Variants in CHCHD6 observed in about 807,000 individuals in gnomAD.
The protein encoded by CHCHD6 is coiled-coil-helix-coiled-coil-helix domain containing 6.
In CHCHD6, 28 loss-of-function variants were observed where a neutral mutation model predicts 32.3. The ratio of observed to expected loss-of-function variants is 0.87; its 90% CI spans 0.64 to 1.19. The LOEUF is 1.19. CHCHD6 is among the 50% of genes most tolerant of loss of function. CHCHD6 has a pLI of 0.00. For missense variants in CHCHD6, 333 were observed against 307.0 expected (o/e 1.08, Z -0.63); for synonymous variants, 122 against 117.5 (o/e 1.04, Z -0.25).
intron 1 of CHCHD6, among the ~76,000 whole-genome samples, chr3:126,721,568 T>A (rs915005387): frequency 6.6e-6 from 1 of 152,230 alleles, no homozygotes; most frequent in African/African-American, 2.4e-5. Context: ...CCCTTTTTAT[T>A]TGTAACAGCT....
At chr3:126,809,791 G>A (rs1365310627) in intron 4 of CHCHD6, among the ~76,000 whole-genome samples, 2 of 152,198 alleles carry the variant, frequency 1.3e-5, no homozygotes, top group Non-Finnish European at 2.9e-5. Flanking sequence ...AAGCATTAAT[G>A]GTTTCATCAT....
intron 4 of CHCHD6, among the ~76,000 whole-genome samples, chr3:126,766,116 T>C (rs1393390839): frequency 2.0e-5 from 3 of 151,900 alleles, no homozygotes; most frequent in Admixed American, 6.6e-5. Flanking sequence ...GGGGAGTGTA[T>C]TCAGGAGAGG....
intron 6 of CHCHD6, among the ~76,000 whole-genome samples, chr3:126,941,784 A>T (rs894736615): frequency 2.0e-5 from 3 of 152,166 alleles, no homozygotes; most frequent in Non-Finnish European, 4.4e-5. Context: ...TTCTGACATG[A>T]TAACTCCTTA....
intron 6 of CHCHD6, chr3:126,953,172 C>T (rs898423424): frequency 7.1e-6 from 7 of 979,456 alleles, no homozygotes; most frequent in East Asian, 1.1e-4. Flanking sequence ...ACAAAGCCAG[C>T]GCCTTGCCCC....
intron 4 of CHCHD6, among the ~76,000 whole-genome samples, chr3:126,783,017 A>G (rs983140767): frequency 2.0e-5 from 3 of 152,128 alleles, no homozygotes; most frequent in Non-Finnish European, 4.4e-5. Context: ...ATTATTAACT[A>G]TAGTCACCAT....
At chr3:126,748,135 C>T (rs538875659) in intron 4 of CHCHD6, among the ~76,000 whole-genome samples, 1 of 152,274 alleles carries the variant, frequency 6.6e-6, no homozygotes, top group African/African-American at 2.4e-5. Context: ...GTTACTTCCC[C>T]ACTTTCTCCT....
chr3:126,713,665 C>T (rs12490515), intron 1 of CHCHD6, among the ~76,000 whole-genome samples: 2 of 152,172 alleles, frequency 1.3e-5, no homozygotes, highest in African/African-American at 4.8e-5. Flanking sequence ...TACTTCCTTT[C>T]TGCCCCATGA....
intron 5 of CHCHD6, among the ~76,000 whole-genome samples, chr3:126,895,294 G>A (rs1239337764): frequency 1.3e-5 from 2 of 152,188 alleles, no homozygotes; most frequent in African/African-American, 4.8e-5. Flanking sequence ...CGGAAGGAAA[G>A]GATTCCTCTG....
At chr3:126,885,344 T>TC (rs2077665260) in intron 5 of CHCHD6, among the ~76,000 whole-genome samples, 1 of 152,188 alleles carries the variant, frequency 6.6e-6, no homozygotes, top group Non-Finnish European at 1.5e-5. Context: ...TTATTTTTTT[T>TC]CTCCTTCCTT....
intron 6 of CHCHD6, among the ~76,000 whole-genome samples, chr3:126,941,897 G>A (rs898730655): frequency 1.3e-5 from 2 of 152,186 alleles, no homozygotes; most frequent in African/African-American, 4.8e-5. Flanking sequence ...CAACAGGACT[G>A]TCAGCCCACA....
intron 6 of CHCHD6, among the ~76,000 whole-genome samples, chr3:126,938,967 G>A (rs1337034153): frequency 6.6e-6 from 1 of 152,232 alleles, no homozygotes; most frequent in Non-Finnish European, 1.5e-5. Flanking sequence ...TGGACAGAAG[G>A]AGGTGAAAGG....
intron 5 of CHCHD6, among the ~76,000 whole-genome samples, chr3:126,863,366 C>T (rs1308355721): frequency 1.7e-5 from 2 of 115,826 alleles, no homozygotes; most frequent in African/African-American, 3.7e-5. Context: ...ACCATCACCA[C>T]CTCCTCCTCC....
intron 4 of CHCHD6, among the ~76,000 whole-genome samples, chr3:126,811,731 T>TGAATG (rs1391060861): frequency 6.6e-6 from 1 of 152,226 alleles, no homozygotes; most frequent in African/African-American, 2.4e-5. Flanking sequence ...CTTAGTAATG[T>TGAATG]GAATGGAATG....
At chr3:126,900,792 C>T (rs947157645) in intron 5 of CHCHD6, among the ~76,000 whole-genome samples, 2 of 151,826 alleles carry the variant, frequency 1.3e-5, no homozygotes, top group African/African-American at 2.4e-5. Flanking sequence ...TTAGTGGAAA[C>T]GGGGTTTCTC....
At position 126,923,579 on chromosome 3, in the gene CHCHD6, C is replaced by T. The variant is rs535865532; in HGVS notation, c.566+8829C>T. Among the ~76,000 whole-genome samples, 4 of 152,354 alleles carry T rather than the reference C, an allele frequency of 2.6e-5. No individual in the cohort carries two copies. In the South Asian group the frequency reaches 8.3e-4, roughly 32 times the overall value. Reference sequence around the variant, plus strand: ...CCCTGAACGGTACAGGGCCTTACCTCATTTGAGGCAGGGCCTTGCACAAGG... The same window carrying T: ...CCCTGAACGGTACAGGGCCTTACCTTATTTGAGGCAGGGCCTTGCACAAGG... On this transcript the variant is annotated intron_variant, in intron 6 of 7. Coordinates refer to ENST00000290913, the MANE Select transcript of CHCHD6 (RefSeq NM_032343.3).
intron 4 of CHCHD6, among the ~76,000 whole-genome samples, chr3:126,831,321 G>A (rs572807626): frequency 7.9e-5 from 12 of 152,270 alleles, no homozygotes; most frequent in African/African-American, 2.4e-4. Context: ...CACCGTACCC[G>A]GCCAGCCCTG....
intron 4 of CHCHD6, among the ~76,000 whole-genome samples, chr3:126,747,243 C>A (rs1936542920): frequency 6.6e-6 from 1 of 152,188 alleles, no homozygotes; most frequent in African/African-American, 2.4e-5. Context: ...CTCAGATGAT[C>A]TGGGTCTTGG....
intron 6 of CHCHD6, among the ~76,000 whole-genome samples, chr3:126,924,539 C>T (rs1576609207): frequency 6.6e-6 from 1 of 152,210 alleles, no homozygotes; most frequent in African/African-American, 2.4e-5. Context: ...CATCAGATCC[C>T]TAAGCTAAGG....
At chr3:126,720,353 G>A (rs572461041) in intron 1 of CHCHD6, among the ~76,000 whole-genome samples, 1 of 152,290 alleles carries the variant, frequency 6.6e-6, no homozygotes, top group Non-Finnish European at 1.5e-5. Flanking sequence ...ATTCCTCACT[G>A]CTGACCTCCC....
Sources: allele counts gnomAD v4.1 joint callset (sites outside exome capture counted in the v4.1 genomes callset), GRCh38; gene constraint gnomAD v4.1.1; transcripts MANE v1.5; gene names NCBI Gene and HGNC (gene_info 2026-07-23, HGNC 2026-07-21).